Variants in DUSP19 observed in about 807,000 individuals in gnomAD.
The protein encoded by DUSP19 is dual specificity protein phosphatase 19.
In DUSP19, 14 loss-of-function variants were observed where a neutral mutation model predicts 16.6. That is an observed-to-expected ratio of 0.84 (90% confidence interval 0.56 to 1.32). DUSP19 has a LOEUF of 1.32. Among genes scored for constraint, DUSP19 ranks in the 40% most tolerant of loss-of-function variants. The pLI is 0.00. For missense variants in DUSP19, 258 were observed against 255.9 expected, an observed-to-expected ratio of 1.01 and a Z score of -0.06; for synonymous variants, 81 against 90.5, an observed-to-expected ratio of 0.90 and a Z score of 0.59.
intron 3 of DUSP19, among the ~76,000 whole-genome samples, chr2:183,091,641 G>T (rs765394440): frequency 2.0e-5 from 3 of 152,038 alleles, no homozygotes; most frequent in Non-Finnish European, 2.9e-5. Context: ...ACCAGTGAGA[G>T]GCTAGGGTGA....
At chr2:183,089,864 C>T (rs1037270774) in intron 3 of DUSP19, among the ~76,000 whole-genome samples, 7 of 152,246 alleles carry the variant, frequency 4.6e-5, no homozygotes, top group African/African-American at 1.7e-4. Flanking sequence ...AACTCCACCT[C>T]CTGCACTCAA....
chr2:183,086,901 A>C (rs1354055793), intron 2 of DUSP19, 139 bp from the exon 3 acceptor site: 2 of 707,540 alleles, frequency 2.8e-6, no homozygotes, highest in Non-Finnish European at 4.5e-6. Flanking sequence ...CTGGTGTGGG[A>C]TTGAAGCAGT....
chr2:183,088,790 G>T (rs1036033234), intron 3 of DUSP19, among the ~76,000 whole-genome samples: 1 of 152,006 alleles, frequency 6.6e-6, no homozygotes, highest in East Asian at 1.9e-4. Flanking sequence ...AAATTTACAG[G>T]CTCTGGATTG....
Position 183,097,267 on chromosome 2 carries a change from G to C in DUSP19, c.*1609G>C, listed in dbSNP as rs1699816038. ...TGATCTCAAACTCCTAGGCTTAAGT[G>C]ATCCTCCCGCCTTAGCCTCCCAAGT... On this transcript the variant is annotated 3_prime_UTR_variant, in exon 4 of 4. Transcript: ENST00000354221. 6.6e-6 allele frequency: 1 copy of C among 152,078 alleles called. No homozygotes were observed. Among genetic ancestry groups the C allele is most frequent in the Non-Finnish European group, 1.5e-5 (1 of 68,090 alleles). 9.4% of individuals were successfully genotyped at this position (152,078 alleles called of 1,614,324 possible). A position where few individuals can be genotyped will look rare whatever the true frequency, so the allele number is the denominator to read the frequency against.
At chr2:183,086,999 C>T (rs766511657) in intron 2 of DUSP19, 41 bp from the exon 3 acceptor site, 10 of 1,580,502 alleles carry the variant, frequency 6.3e-6, no homozygotes, top group Non-Finnish European at 8.6e-6. Context: ...TAACCTAATT[C>T]ATGGGATTTA....
Position 183,097,925 on chromosome 2 carries a change from C to T in DUSP19, c.*2267C>T, listed in dbSNP as rs1212015126. The stretch of plus-strand genomic sequence containing the variant: ...TTATTATTTGAGACAGAGTTTTGCT[C>T]TTATTGCCCAGGCTGGAGTGCAGTG... On this transcript the variant is annotated 3_prime_UTR_variant, in exon 4 of 4. Transcript: ENST00000354221. 6.6e-6 allele frequency: 1 copy of T among 152,020 alleles called. No individual in the cohort carries two copies. The highest frequency in any genetic ancestry group is 1.9e-4 in the East Asian group (1 of 5,190). The allele number at this position is 152,020 out of a possible 1,614,324, so 9.4% of individuals were successfully genotyped here. A position where few individuals can be genotyped will look rare whatever the true frequency, so the allele number is the denominator to read the frequency against.
chr2:183,083,351 A>C, intron 1 of DUSP19, 157 bp from the exon 2 acceptor site: 1 of 598,084 alleles, frequency 1.7e-6, no homozygotes, highest in Middle Eastern at 3.1e-4. Context: ...GAGTTTATGT[A>C]GGATGACTGT....
At chr2:183,079,470 A>G (rs77269613) in intron 1 of DUSP19, among the ~76,000 whole-genome samples, 1 of 152,094 alleles carries the variant, frequency 6.6e-6, no homozygotes, top group African/African-American at 2.4e-5. Flanking sequence ...TTGGCTTATA[A>G]AAAATACAGC....
At chr2:183,086,888 C>T in intron 2 of DUSP19, 152 bp from the exon 3 acceptor site, 1 of 649,796 alleles carries the variant, frequency 1.5e-6, no homozygotes, top group Non-Finnish European at 2.5e-6. Flanking sequence ...AGAAGGAGCA[C>T]TTCTGGTGTG....
At chr2:183,086,636 G>A (rs1019097472) in intron 2 of DUSP19, among the ~76,000 whole-genome samples, 6 of 114,294 alleles carry the variant, frequency 5.2e-5, no homozygotes, top group East Asian at 2.2e-4. Flanking sequence ...AGTGAGACCC[G>A]CCCCCCTCTT....
chr2:183,085,825 C>T (rs1339444777), intron 2 of DUSP19, among the ~76,000 whole-genome samples: 1 of 126,872 alleles, frequency 7.9e-6, no homozygotes, highest in Non-Finnish European at 1.6e-5. Context: ...AGGGGAAGTA[C>T]AGATGTGGAC....
rs1365423054 is a variant in DUSP19, at chr2:183,098,273, T to C, written c.*2615T>C. 1 of 152,226 alleles carries C rather than the reference T, an allele frequency of 6.6e-6. No individual in the cohort carries two copies. Among genetic ancestry groups the C allele is most frequent in the African/African-American group, 2.4e-5 (1 of 41,454 alleles). 9.4% of individuals were successfully genotyped at this position (152,226 alleles called of 1,614,324 possible). On this transcript the variant is annotated 3_prime_UTR_variant, in exon 4 of 4. Transcript: ENST00000354221. The stretch of plus-strand genomic sequence containing the variant: ...GATCTGGGTAAGATTCAAACATTTA[T>C]CTTTTGTATCTTCTACAGAAGTGCT...
chr2:183,089,548 A>G (rs1303158351), intron 3 of DUSP19, among the ~76,000 whole-genome samples: 3 of 123,520 alleles, frequency 2.4e-5, no homozygotes. Flanking sequence ...CAGAACTCAG[A>G]GTACGCCTGT....
chr2:183,087,293 A>T, intron 3 of DUSP19, 101 bp downstream of exon 3: 2 of 1,175,224 alleles, frequency 1.7e-6, no homozygotes, highest in Non-Finnish European at 2.3e-6. Context: ...TCTAAAAAAC[A>T]ATTATGAAAT....
chr2:183,090,447 C>T (rs1559129811), intron 3 of DUSP19, among the ~76,000 whole-genome samples: 1 of 152,170 alleles, frequency 6.6e-6, no homozygotes, highest in Non-Finnish European at 1.5e-5. Context: ...TTTGTCCCCT[C>T]TTTTTATGTA....
At chr2:183,094,039 A>G (rs1173752611) in intron 3 of DUSP19, among the ~76,000 whole-genome samples, 1 of 152,202 alleles carries the variant, frequency 6.6e-6, no homozygotes, top group Non-Finnish European at 1.5e-5. Flanking sequence ...CTTTTCTTAT[A>G]TAGAAACTGT....
chr2:183,090,122 A>AT (rs902517768), intron 3 of DUSP19, among the ~76,000 whole-genome samples: 4 of 152,028 alleles, frequency 2.6e-5, no homozygotes, highest in Non-Finnish European at 2.9e-5. Flanking sequence ...AATTTTTTTC[A>AT]TTTTTTTTAA....
In DUSP19 at chr2:183,096,937, T is replaced by C. The variant is rs1473451618; in HGVS notation, c.*1279T>C. 1.3e-5 allele frequency: 2 copies of C among 152,464 alleles called. No individual in the cohort carries two copies. Among genetic ancestry groups the C allele is most frequent in the Non-Finnish European group, 2.9e-5 (2 of 68,026 alleles). The allele number at this position is 152,464 out of a possible 1,614,324, so 9.4% of individuals were successfully genotyped here. On this transcript the variant is annotated 3_prime_UTR_variant, in exon 4 of 4. Transcript: ENST00000354221. ...TCCGTATTTGAAGAACTGAGCTCTG[T>C]ACATTATAAATTTGCTTAAAGATTT...
chr2:183,082,669 C>T (rs1306526062), intron 1 of DUSP19, among the ~76,000 whole-genome samples: 1 of 152,068 alleles, frequency 6.6e-6, no homozygotes, highest in Non-Finnish European at 1.5e-5. Context: ...AGTGATCCAC[C>T]CACCTCAGCC....
Sources: allele counts gnomAD v4.1 joint callset (sites outside exome capture counted in the v4.1 genomes callset), GRCh38; gene constraint gnomAD v4.1.1; transcripts MANE v1.5; gene names NCBI Gene and HGNC (gene_info 2026-07-23, HGNC 2026-07-21).